FXYD6: variants seen among roughly 807,000 people sequenced by gnomAD.
FXYD6 encodes the protein FXYD domain-containing ion transport regulator 6.
Under a neutral mutation model 16.7 loss-of-function variants are expected in FXYD6, and 7 were observed. The ratio of observed to expected loss-of-function variants is 0.42; its 90% CI spans 0.24 to 0.79. FXYD6 has a LOEUF of 0.79. Ranked by LOEUF, FXYD6 falls within the 30% of genes least tolerant of loss-of-function variation. The pLI is 0.28. For synonymous variants in FXYD6, 49 were observed against 43.0 expected (o/e 1.14, Z -0.54); for missense variants, 111 against 116.2 (o/e 0.95, Z 0.21).
intron 1 of FXYD6, among the ~76,000 whole-genome samples, chr11:117,854,190 A>G (rs1225393195): frequency 6.6e-6 from 1 of 152,200 alleles, no homozygotes; most frequent in African/African-American, 2.4e-5. Context: ...GAAACAACAC[A>G]TTAAGGCCTT....
intron 1 of FXYD6, among the ~76,000 whole-genome samples, chr11:117,875,587 G>C (rs1447200201): frequency 6.6e-6 from 1 of 152,174 alleles, no homozygotes. Context: ...CCCAAAGGGG[G>C]CTCCTTTCAG....
rs892515448 is a variant in FXYD6, at chr11:117,837,344, G to A, written c.*955C>T. 6 of 152,514 alleles carry A rather than the reference G, an allele frequency of 3.9e-5. No homozygotes were observed. Among genetic ancestry groups the A allele is most frequent in the Non-Finnish European group, 4.4e-5 (3 of 68,116 alleles). The allele number at this position is 152,514 out of a possible 1,614,324, so 9.4% of individuals were successfully genotyped here. ...CGGTGTGCTGGCCCCAACGGAACAG[G>A]AGTCCTTCAACTATTGCCTGCCAGA... On this transcript the variant is annotated 3_prime_UTR_variant, in exon 8 of 8. Transcript: ENST00000526014. This position sits in a 1 kb window ranked among gnomAD's most constrained non-coding sequence, Gnocchi z 4.4.
intron 1 of FXYD6, among the ~76,000 whole-genome samples, chr11:117,858,866 C>T (rs2056837374): frequency 6.6e-6 from 1 of 151,564 alleles, no homozygotes; most frequent in Non-Finnish European, 1.5e-5. Flanking sequence ...ACCTCCTCCT[C>T]CCAGGCTCAA....
chr11:117,857,922 C>T (rs1356884069), intron 1 of FXYD6, among the ~76,000 whole-genome samples: 4 of 152,172 alleles, frequency 2.6e-5, no homozygotes, highest in African/African-American at 9.7e-5. Flanking sequence ...ATTCTCCATG[C>T]TCATGAACGG....
chr11:117,876,761 G>GT, upstream of FXYD6: 1 of 151,786 alleles, frequency 6.6e-6, no homozygotes, highest in Non-Finnish European at 1.5e-5. Context: ...GGGGCGGGGG[G>GT]GGGGCTCGCT....
intron 1 of FXYD6, among the ~76,000 whole-genome samples, chr11:117,860,700 T>G (rs976601354): frequency 6.6e-6 from 1 of 152,244 alleles, no homozygotes; most frequent in Non-Finnish European, 1.5e-5. Context: ...TCCAAGGCTA[T>G]GATCAAGGTC....
rs753857831 is a variant in FXYD6, at chr11:117,840,326, G to A, written c.252C>T (p.Thr84=). 5.6e-6 allele frequency: 9 copies of A among 1,614,016 alleles called. No individual in the cohort carries two copies. Among genetic ancestry groups the A allele is most frequent in the South Asian group, 4.4e-5 (4 of 91,072 alleles). Residue 84 remains threonine, a synonymous_variant, in exon 6 of 8, where the codon ACC becomes ACT. Coordinates refer to ENST00000526014, the MANE Select transcript of FXYD6 (RefSeq NM_022003.4). ...DEEAQVENLI[T]ANATEPQKAE... ...GTGGTCACGGACAGTTACCATTGGC[G>A]GTGATGAGGTTCTCCACCTGGGCTT...
chr11:117,859,290 G>A (rs1281368005), intron 1 of FXYD6, among the ~76,000 whole-genome samples: 1 of 152,232 alleles, frequency 6.6e-6, no homozygotes, highest in African/African-American at 2.4e-5. Flanking sequence ...GAGGTCCGGG[G>A]TTGGAGATCT....
chr11:117,858,328 G>C (rs374706175), intron 1 of FXYD6: 1 of 152,272 alleles, frequency 6.6e-6, no homozygotes, highest in Admixed American at 6.5e-5. Context: ...AAGGACAGTC[G>C]TCATCCACTT....
At chr11:117,840,596 G>A (rs916062801) in intron 5 of FXYD6, among the ~76,000 whole-genome samples, 3 of 152,208 alleles carry the variant, frequency 2.0e-5, no homozygotes, top group East Asian at 1.9e-4. Context: ...CAGCCCTCAT[G>A]GGAAGGGGAG....
At chr11:117,854,189 C>T (rs1344384943) in intron 1 of FXYD6, among the ~76,000 whole-genome samples, 1 of 152,190 alleles carries the variant, frequency 6.6e-6, no homozygotes, top group Non-Finnish European at 1.5e-5. Flanking sequence ...TGAAACAACA[C>T]ATTAAGGCCT....
intron 1 of FXYD6, among the ~76,000 whole-genome samples, chr11:117,855,012 G>T (rs1230859440): frequency 1.3e-5 from 2 of 152,210 alleles, no homozygotes; most frequent in Non-Finnish European, 1.5e-5. Flanking sequence ...CTAGGAGGGG[G>T]CTGTGACAGC....
chr11:117,839,607 C>A, intron 7 of FXYD6, 174 bp downstream of exon 7: 2 of 676,744 alleles, frequency 3.0e-6, no homozygotes, highest in Non-Finnish European at 2.5e-6. Context: ...GTTTCTAGTC[C>A]TGGTCTCTCT....
rs554728017 is a variant in FXYD6 at position 117,842,780 on chromosome 11, G to A, written c.-4C>T. The A allele has an allele frequency of 1.3e-5, 21 of 1,562,454 alleles. No individual in the cohort carries two copies. Among genetic ancestry groups the A allele is most frequent in the South Asian group, 2.4e-5 (2 of 84,668 alleles). On this transcript the variant is annotated splice_region_variant and 5_prime_UTR_variant, in exon 2 of 8. The change creates a new upstream start codon in the 5' untranslated region. Transcript: ENST00000526014. ...GGAAGACCAGCACCAACTCCATGGC[G>A]TCTGGGGACAGAGGGAGGAAAAAAT... is the stretch of plus-strand genomic sequence containing the variant.
At chr11:117,869,691 GA>G (rs2057093972) in intron 1 of FXYD6, among the ~76,000 whole-genome samples, 1 of 151,488 alleles carries the variant, frequency 6.6e-6, no homozygotes, top group Non-Finnish European at 1.5e-5. Context: ...AGAAGAAGAA[GA>G]GAGAGAGACA....
chr11:117,842,004 T>A lies in FXYD6; in HGVS notation c.83A>T (p.Asp28Val), dbSNP rs1283308811. The A allele has an allele frequency of 6.2e-7, 1 of 1,614,056 alleles. No homozygotes were observed. The highest frequency in any genetic ancestry group is 1.7e-5 in the Admixed American group (1 of 60,018). ...ASAAEKEKEM[D>V]PFHYDYQTLR... ...CCATCGCTCACCATAATGAAAAGGG[T>A]CCATTTCCTTCTCCTTTTCAGCTGC... The change falls in exon 3 of 8, where the codon GAC becomes GTC. Residue 28 changes from aspartate to valine, a missense_variant. Asp to Val is a radical substitution (Grantham distance 152). Transcript: ENST00000526014.
intron 1 of FXYD6, among the ~76,000 whole-genome samples, chr11:117,848,623 T>C (rs2056532659): frequency 6.6e-6 from 1 of 152,238 alleles, no homozygotes; most frequent in Non-Finnish European, 1.5e-5. Context: ...TCTTTGAGTG[T>C]TTGGTGGAAC....
At chr11:117,876,420 C>G (rs190540924) in intron 1 of FXYD6, among the ~76,000 whole-genome samples, 172 bp downstream of exon 1, 69 of 152,348 alleles carry the variant, frequency 4.5e-4, no homozygotes, top group African/African-American at 1.7e-3. Context: ...ATCCCCAGCC[C>G]GGTTTCCCGC....
intron 6 of FXYD6, 69 bp downstream of exon 6, chr11:117,840,250 C>T: frequency 6.2e-7 from 1 of 1,607,182 alleles, no homozygotes; most frequent in Non-Finnish European, 8.5e-7. Flanking sequence ...GCAACAGTCC[C>T]TTCCTGAGCC....
Sources: allele counts gnomAD v4.1 joint callset (sites outside exome capture counted in the v4.1 genomes callset), GRCh38; gene constraint gnomAD v4.1.1; non-coding constraint Gnocchi (gnomAD v3.1); transcripts MANE v1.5; gene names NCBI Gene and HGNC (gene_info 2026-07-23, HGNC 2026-07-21).